SCRN3: variants seen among roughly 807,000 people sequenced by gnomAD.
SCRN3 encodes the protein secernin 3.
A neutral mutation model predicts 43.1 loss-of-function variants in SCRN3; 39 were observed. The observed-to-expected ratio is 0.91, with a 90% CI of 0.70 to 1.18. The LOEUF (loss-of-function observed/expected upper bound fraction) is 1.18, where lower values mean the gene tolerates loss of function less well. SCRN3 is among the 50% of genes most tolerant of loss of function. SCRN3 has a pLI of 0.00. For synonymous variants in SCRN3, 147 were observed against 163.1 expected (o/e 0.90, Z 0.75); for missense variants, 484 against 498.0 (o/e 0.97, Z 0.27).
chr2:174,408,895 T>C (rs1246157232), intron 5 of SCRN3, among the ~76,000 whole-genome samples: 3 of 48,020 alleles, frequency 6.2e-5, no homozygotes, highest in Admixed American at 2.4e-4. Context: ...CTTAACATTT[T>C]TTCCTTCATT....
intron 5 of SCRN3, among the ~76,000 whole-genome samples, chr2:174,406,698 C>T (rs531360101): frequency 7.1e-6 from 1 of 140,452 alleles, no homozygotes; most frequent in Admixed American, 7.1e-5. Flanking sequence ...AAGGCTTTTT[C>T]TGCCTCTATT....
chr2:174,409,097 A>C (rs1462762772), intron 5 of SCRN3, among the ~76,000 whole-genome samples: 2 of 118,358 alleles, frequency 1.7e-5, no homozygotes, highest in African/African-American at 6.1e-5. Context: ...CAGGTACACC[A>C]ATCAGATGTA....
chr2:174,413,510 T>C (rs1685998171), intron 5 of SCRN3, among the ~76,000 whole-genome samples: 1 of 151,794 alleles, frequency 6.6e-6, no homozygotes, highest in African/African-American at 2.4e-5. Context: ...TTCTTTTACA[T>C]AGAATTTGGG....
chr2:174,406,742 T>C (rs892124676), intron 5 of SCRN3, among the ~76,000 whole-genome samples: 9 of 136,282 alleles, frequency 6.6e-5, no homozygotes, highest in African/African-American at 2.0e-4. Flanking sequence ...TTTGGCTCTG[T>C]TTATATGCTG....
At chr2:174,424,849 T>G (rs1284669723) in intron 7 of SCRN3, among the ~76,000 whole-genome samples, 200 bp downstream of exon 7, 1 of 152,220 alleles carries the variant, frequency 6.6e-6, no homozygotes, top group Non-Finnish European at 1.5e-5. Context: ...TAGAGAAACT[T>G]AGTACATTAA....
rs926904403 is a variant in SCRN3 at position 174,428,258 on chromosome 2, C to T, written c.*363C>T. The T allele has an allele frequency of 6.5e-6, 1 of 154,076 alleles. No homozygotes were observed. Among genetic ancestry groups the T allele is most frequent in the African/African-American group, 2.4e-5 (1 of 41,490 alleles). 9.5% of individuals were successfully genotyped at this position (154,076 alleles called of 1,614,324 possible). ...ATATTTATTATAATTATGTAGTACC[C>T]TCAAATCATTTTGTCAGTTACATCA... On this transcript the variant is annotated 3_prime_UTR_variant, in exon 8 of 8. Transcript: ENST00000272732.
At chr2:174,397,660 T>C (rs969143782) in intron 1 of SCRN3, among the ~76,000 whole-genome samples, 1 of 152,134 alleles carries the variant, frequency 6.6e-6, no homozygotes, top group African/African-American at 2.4e-5. Flanking sequence ...AAAGAGAATA[T>C]AAAGATTAGT....
intron 5 of SCRN3, among the ~76,000 whole-genome samples, chr2:174,406,085 C>T (rs1685684189): frequency 7.2e-6 from 1 of 139,738 alleles, no homozygotes; most frequent in Non-Finnish European, 1.6e-5. Flanking sequence ...TCTTCCTACC[C>T]ATAAGCATGG....
At position 174,397,457 on chromosome 2, in the gene SCRN3, C is replaced by A. The variant is rs143613945; in HGVS notation, c.-9-818C>A. ...GCGATTTATAAATTAAATATGTGAA[C>A]TTTCTCCTAGAAATATCAGCAATTT... is the stretch of plus-strand genomic sequence containing the variant. On this transcript the variant is annotated intron_variant, in intron 1 of 7. Coordinates refer to ENST00000272732, the MANE Select transcript of SCRN3 (RefSeq NM_024583.5). 22 of 767,408 alleles carry A rather than the reference C, an allele frequency of 2.9e-5. No individual in the cohort carries two copies. The African/African-American group carries it at 4.1e-4, about 14-fold the overall frequency. The allele number at this position is 767,408 out of a possible 1,614,324, so 47.5% of individuals were successfully genotyped here. A position where few individuals can be genotyped will look rare whatever the true frequency, so the allele number is the denominator to read the frequency against.
chr2:174,395,916 C>T (rs1685288687), intron 1 of SCRN3, 99 bp downstream of exon 1: 11 of 1,415,548 alleles, frequency 7.8e-6, no homozygotes, highest in Non-Finnish European at 1.0e-5. Context: ...GCTCCGGAGC[C>T]CAGCTGCACC....
chr2:174,419,432 T>C (rs1439831574), intron 5 of SCRN3, among the ~76,000 whole-genome samples: 1 of 152,266 alleles, frequency 6.6e-6, no homozygotes, highest in African/African-American at 2.4e-5. Context: ...CAGGCTGGAG[T>C]GCGGTGGCAC....
At chr2:174,399,156 T>C (rs886608050) in intron 2 of SCRN3, among the ~76,000 whole-genome samples, 1 of 152,158 alleles carries the variant, frequency 6.6e-6, no homozygotes, top group African/African-American at 2.4e-5. Context: ...AATTCATACT[T>C]TTTAGATTTT....
intron 3 of SCRN3, 125 bp downstream of exon 3, chr2:174,400,228 G>T: frequency 1.6e-6 from 1 of 643,562 alleles, no homozygotes; most frequent in Non-Finnish European, 2.5e-6. Flanking sequence ...TGTCAAAATG[G>T]TTTAAAGTAC....
chr2:174,410,674 C>G (rs543111695), intron 5 of SCRN3, among the ~76,000 whole-genome samples: 8 of 152,240 alleles, frequency 5.3e-5, no homozygotes, highest in Admixed American at 2.0e-4. Flanking sequence ...TTGACTATTG[C>G]TGCTGCTGCT....
At chr2:174,429,847 A>G (rs1325588702), downstream of SCRN3, among the ~76,000 whole-genome samples, 1 of 152,084 alleles carries the variant, frequency 6.6e-6, no homozygotes, top group Admixed American at 6.5e-5. Context: ...TGCCTTTTCC[A>G]TATGTCATAT....
At chr2:174,422,434 C>A (rs1199498128) in intron 5 of SCRN3, among the ~76,000 whole-genome samples, 1 of 152,108 alleles carries the variant, frequency 6.6e-6, no homozygotes, top group African/African-American at 2.4e-5. Flanking sequence ...ATTAGTTGGG[C>A]ATGGTGACAT....
chr2:174,421,207 T>G (rs983422649), intron 5 of SCRN3, among the ~76,000 whole-genome samples: 2 of 152,150 alleles, frequency 1.3e-5, no homozygotes, highest in African/African-American at 4.8e-5. Flanking sequence ...AATTTAGAAT[T>G]GTATATCTAG....
At chr2:174,429,912 G>A (rs1444708997), downstream of SCRN3, among the ~76,000 whole-genome samples, 1 of 152,010 alleles carries the variant, frequency 6.6e-6, no homozygotes, top group African/African-American at 2.4e-5. Flanking sequence ...AACTTACTTA[G>A]TAATATCCAT....
chr2:174,423,431 G>A (rs1215256834), intron 6 of SCRN3, among the ~76,000 whole-genome samples: 1 of 152,126 alleles, frequency 6.6e-6, no homozygotes, highest in Non-Finnish European at 1.5e-5. Context: ...GAAAATACAT[G>A]TGAAACTTAA....
Sources: gnomAD v4.1 joint callset for allele counts (sites outside exome capture counted in the v4.1 genomes callset) on GRCh38, gnomAD v4.1.1 for gene constraint, MANE v1.5 for transcripts, NCBI Gene and HGNC (gene_info 2026-07-23, HGNC 2026-07-21) for gene names.